CDON: variants seen among roughly 807,000 people sequenced by gnomAD.
The protein encoded by CDON is cell adhesion associated, oncogene regulated.
Under a neutral mutation model 120.9 loss-of-function variants are expected in CDON, and 73 were observed. That is an observed-to-expected ratio of 0.60 (90% CI 0.50 to 0.73). CDON has a LOEUF of 0.73. Among genes scored for constraint, CDON ranks in the 30% least tolerant of loss-of-function variants. The probability of loss-of-function intolerance (pLI) is 0.00; values close to 1 mark genes in which losing one functional copy is unlikely to be tolerated. For synonymous variants in CDON, 566 were observed against 573.5 expected (o/e 0.99, Z 0.19); for missense variants, 1,470 against 1,587.3 (o/e 0.93, Z 1.26).
Position 125,978,317 on chromosome 11 carries a change from G to A in CDON, c.3343C>T (p.Arg1115Ter), listed in dbSNP as rs747750419. The change falls in exon 18 of 20, where the codon CGA becomes TGA. Residue 1115 changes from arginine to a stop codon, truncating the protein, a stop_gained. Coordinates refer to ENST00000531738, the MANE Select transcript of CDON (RefSeq NM_001378964.1). LOFTEE classifies it high-confidence loss of function. ...TTATTAACATACCTATTGTTGTTTC[G>A]ACAATTTCGGCAGTTAACACACTCC... ...PLECVNCRNC[R>*]NNNRCFTKTN... 1.3e-5 allele frequency: 21 copies of A among 1,599,592 alleles called. No homozygotes were observed. The highest frequency in any genetic ancestry group is 1.6e-4 in the Middle Eastern group (1 of 6,064).
Position 126,023,395 on chromosome 11 carries a change from T to A in CDON, c.76+6A>T. 1 of 1,588,546 alleles carries A rather than the reference T, an allele frequency of 6.3e-7. No homozygotes were observed. Among genetic ancestry groups the A allele is most frequent in the African/African-American group, 1.3e-5 (1 of 74,456 alleles). On this transcript the variant is annotated splice_donor_region_variant and intron_variant, in intron 2 of 19. Coordinates refer to ENST00000531738, the MANE Select transcript of CDON (RefSeq NM_001378964.1). Reference sequence around the variant, plus strand: ...CAAACCACCCCCTCCCCAATTCTACTCTTACCTGAACTCACAGAAGAGCAC... The same window carrying A: ...CAAACCACCCCCTCCCCAATTCTACACTTACCTGAACTCACAGAAGAGCAC...
At chr11:126,049,323 C>A (rs1249641088) in intron 1 of CDON, among the ~76,000 whole-genome samples, 1 of 152,174 alleles carries the variant, frequency 6.6e-6, no homozygotes, top group East Asian at 1.9e-4. Context: ...AATCAAATTG[C>A]TTGACAGATC....
intron 16 of CDON, among the ~76,000 whole-genome samples, chr11:125,982,378 C>T (rs11220301): frequency 0.22 from 33,374 of 152,066 alleles, 4,216 homozygotes; most frequent in South Asian, 0.31. Context: ...CTCTTAGAAA[C>T]TAGAGTGTCC....
chr11:126,023,653 A>C, intron 1 of CDON, 116 bp from the exon 2 acceptor site: 1 of 657,986 alleles, frequency 1.5e-6, no homozygotes, highest in East Asian at 2.7e-5. Flanking sequence ...AGTACGTCAA[A>C]TACCAGGCAC....
At chr11:126,051,652 CTTT>C (rs66575795) in intron 1 of CDON, among the ~76,000 whole-genome samples, 1 of 139,958 alleles carries the variant, frequency 7.1e-6, no homozygotes, top group Admixed American at 7.3e-5. Flanking sequence ...TATTTTTTTT[CTTT>C]TTTTTTTTTT....
At chr11:126,059,023 TAACAGA>T (rs1388393237) in intron 1 of CDON, among the ~76,000 whole-genome samples, 1 of 152,194 alleles carries the variant, frequency 6.6e-6, no homozygotes, top group Non-Finnish European at 1.5e-5. Flanking sequence ...AATAATAATG[TAACAGA>T]AACAATCAAA....
intron 1 of CDON, among the ~76,000 whole-genome samples, chr11:126,046,541 T>G (rs1048092285): frequency 2.0e-5 from 3 of 152,188 alleles, no homozygotes; most frequent in African/African-American, 7.2e-5. Context: ...AGCATCTACT[T>G]TCTGAAGCAT....
At chr11:125,989,280 A>C (rs946316666) in intron 15 of CDON, among the ~76,000 whole-genome samples, 2 of 152,212 alleles carry the variant, frequency 1.3e-5, no homozygotes, top group Admixed American at 1.3e-4. Flanking sequence ...TCACGCCTGT[A>C]ATCCTAGCAC....
chr11:126,054,831 A>C (rs554439054), intron 1 of CDON, among the ~76,000 whole-genome samples: 1 of 152,298 alleles, frequency 6.6e-6, no homozygotes, highest in African/African-American at 2.4e-5. Context: ...CATAGGGGAA[A>C]ATCACATTGT....
chr11:125,964,077 G>A (rs1945723978), intron 18 of CDON, among the ~76,000 whole-genome samples: 1 of 152,196 alleles, frequency 6.6e-6, no homozygotes, highest in South Asian at 2.1e-4. Context: ...CATGTGATCA[G>A]TGTCTTCCTT....
chr11:126,030,382 G>A (rs911553614), intron 1 of CDON, among the ~76,000 whole-genome samples: 57 of 152,156 alleles, frequency 3.7e-4, no homozygotes, highest in African/African-American at 1.4e-3. Flanking sequence ...GGATGATGAA[G>A]GCTGTCTTTC....
intron 1 of CDON, among the ~76,000 whole-genome samples, chr11:126,047,656 G>A (rs1948437378): frequency 6.6e-6 from 1 of 152,162 alleles, no homozygotes; most frequent in Non-Finnish European, 1.5e-5. Context: ...TAAATGGGAT[G>A]ATCCCATAGC....
intron 7 of CDON, chr11:126,010,945 A>G: frequency 1.9e-6 from 1 of 539,674 alleles, no homozygotes; most frequent in Non-Finnish European, 3.5e-6. Context: ...ATATATATAA[A>G]GAAATCTTTT....
rs187945467 is a variant in CDON at position 126,042,822 on chromosome 11, C to T, written c.-61-19285G>A. Among the ~76,000 whole-genome samples, 16 of 152,256 alleles carry T rather than the reference C, an allele frequency of 1.1e-4. 1 individual carries two copies. The highest frequency in any genetic ancestry group is 3.6e-4 in the African/African-American group (15 of 41,560). Reference sequence around the variant, plus strand: ...TATTTTAGTAGAGACCGGGTTTCACCGTGTTGCGAAGGCTGGTCTCGAACT... The same window carrying T: ...TATTTTAGTAGAGACCGGGTTTCACTGTGTTGCGAAGGCTGGTCTCGAACT... On this transcript the variant is annotated intron_variant, in intron 1 of 19. Coordinates refer to ENST00000531738, the MANE Select transcript of CDON (RefSeq NM_001378964.1).
chr11:125,969,870 G>A (rs114833977), intron 18 of CDON, among the ~76,000 whole-genome samples: 449 of 152,322 alleles, frequency 2.9e-3, no homozygotes, highest in African/African-American at 0.01. Context: ...TAGAAGATTG[G>A]AAGAGTAGTG....
chr11:126,000,963 T>C (rs891022449), intron 11 of CDON, among the ~76,000 whole-genome samples: 1 of 152,150 alleles, frequency 6.6e-6, no homozygotes, highest in African/African-American at 2.4e-5. Context: ...ATTGAAATAC[T>C]AAAAAAGTCT....
At chr11:125,988,090 G>A (rs11220304) in intron 15 of CDON, among the ~76,000 whole-genome samples, 39,430 of 151,980 alleles carry the variant, frequency 0.26, 5,340 homozygotes, top group East Asian at 0.48. Flanking sequence ...ATCATGTTAC[G>A]AGAGCTCCAA....
chr11:125,972,635 A>G (rs1007860835), intron 18 of CDON, among the ~76,000 whole-genome samples: 1 of 152,146 alleles, frequency 6.6e-6, no homozygotes, highest in Non-Finnish European at 1.5e-5. Flanking sequence ...TTTTCCCTCC[A>G]GATGGTTATT....
At chr11:126,041,586 T>A (rs1591421806) in intron 1 of CDON, among the ~76,000 whole-genome samples, 2 of 152,230 alleles carry the variant, frequency 1.3e-5, no homozygotes, top group East Asian at 3.8e-4. Flanking sequence ...TTCTACCACA[T>A]AATGCTAGTA....
Sources: allele counts gnomAD v4.1 joint callset (sites outside exome capture counted in the v4.1 genomes callset), GRCh38; gene constraint gnomAD v4.1.1; transcripts MANE v1.5; gene names NCBI Gene and HGNC (gene_info 2026-07-23, HGNC 2026-07-21).